The following SRCIN1 variants were observed in gnomAD, a reference collection of about 807,000 sequenced individuals.
SRCIN1 encodes the protein SRC kinase signaling inhibitor 1, also known as P130Cas-associated protein.
In SRCIN1, 50 loss-of-function variants were observed where a neutral mutation model predicts 116.2. That is an observed-to-expected ratio of 0.43 (90% CI 0.34 to 0.54). The LOEUF (loss-of-function observed/expected upper bound fraction) is 0.54, where lower values mean the gene tolerates loss of function less well. Ranked by LOEUF, SRCIN1 falls within the 20% of genes least tolerant of loss-of-function variation. The probability of loss-of-function intolerance (pLI) is 0.02; values close to 1 mark genes in which losing one functional copy is unlikely to be tolerated. For missense variants in SRCIN1, 1,446 were observed against 1,672.0 expected (o/e 0.86, Z 2.36); for synonymous variants, 736 against 750.0 (o/e 0.98, Z 0.30).
chr17:38,553,514 C>A (rs949571202), intron 11 of SRCIN1, among the ~76,000 whole-genome samples: 1 of 152,018 alleles, frequency 6.6e-6, no homozygotes, highest in African/African-American at 2.4e-5. Context: ...GAGCACGTGC[C>A]CCCGGGGAGG....
At position 38,533,095 on chromosome 17, in the gene SRCIN1, T is replaced by TAAAA. The variant is rs79154508; in HGVS notation, c.*198_*201dup. 4,619 of 258,806 alleles carry TAAAA rather than the reference T, an allele frequency of 0.018. 59 individuals carry two copies. The highest frequency in any genetic ancestry group is 0.024 in the African/African-American group (786 of 33,316). 16.0% of individuals were successfully genotyped at this position (258,806 alleles called of 1,614,324 possible). A position where few individuals can be genotyped will look rare whatever the true frequency, so the allele number is the denominator to read the frequency against. ...AAAAAGATAATTAAAAGTTAATTGT[T>TAAAA]AAAAAAAAAAAAAAAAACAAAACCA... On this transcript the variant is annotated 3_prime_UTR_variant, in exon 19 of 19. Coordinates refer to ENST00000617146, the MANE Select transcript of SRCIN1 (RefSeq NM_025248.3).
rs111486321 is a variant in SRCIN1, at chr17:38,595,660, C to T, written c.22+10024G>A. Among the ~76,000 whole-genome samples, 135 of 152,338 alleles carry T rather than the reference C, an allele frequency of 8.9e-4. 1 individual carries two copies. Among genetic ancestry groups the T allele is most frequent in the African/African-American group, 3.2e-3 (131 of 41,582 alleles). On this transcript the variant is annotated intron_variant, in intron 1 of 18. Transcript: ENST00000617146. ...CCCATCCCCCACCCTCTGGGCATCA[C>T]TGGAACATGGGCTTCCCCCCATAAG...
chr17:38,561,524 G>C lies in SRCIN1; in HGVS notation c.1639C>G (p.Pro547Ala). The part of the protein sequence containing the change: ...GAPPSELFPG[P>A]GERSLVGFGP... ...AACCCAACCAGCGAGCGTTCCCCAG[G>C]CCCAGGGAAGAGCTCCGAAGGGGGA... The change falls in exon 7 of 19, where the codon CCT (proline) becomes GCT (alanine). Residue 547 changes from proline (P) to alanine (A), a missense_variant. Physicochemically the swap from Pro to Ala is conservative, Grantham distance 27. Transcript: ENST00000617146. The C allele has an allele frequency of 1.3e-6, 2 of 1,598,484 alleles. No individual in the cohort carries two copies. Among genetic ancestry groups the C allele is most frequent in the African/African-American group, 2.7e-5 (2 of 73,714 alleles).
At position 38,572,764 on chromosome 17, in the gene SRCIN1, T is replaced by TC. The variant is rs1907174590; in HGVS notation, c.325-4534dup. 6.6e-6 allele frequency: 1 copy of TC among 151,250 alleles called. No individual in the cohort carries two copies. The highest frequency in any genetic ancestry group is 1.5e-5 in the Non-Finnish European group (1 of 67,396). 9.4% of individuals were successfully genotyped at this position (151,250 alleles called of 1,614,324 possible). A position where few individuals can be genotyped will look rare whatever the true frequency, so the allele number is the denominator to read the frequency against. On this transcript the variant is annotated intron_variant, in intron 2 of 18. Coordinates refer to ENST00000617146, the MANE Select transcript of SRCIN1 (RefSeq NM_025248.3). The surrounding 1 kb of genome is among the most constrained non-coding windows in gnomAD (Gnocchi z 4.3). ...ACTCCCACCCGCCCGGGCTCTTCTC[T>TC]CCCCCGGCCGCCTCCGCAGCCGCGG...
Position 38,568,345 on chromosome 17 carries a change from C to G in SRCIN1, c.325-114G>C. On this transcript the variant is annotated intron_variant, in intron 2 of 18. Transcript: ENST00000617146. This position sits in a 1 kb window ranked among gnomAD's most constrained non-coding sequence, Gnocchi z 4.5. ...CAGCACTCAGCCCTAGGACAAGGGC[C>G]CTCCACCCTCCCAGGAGCAGGAATG... 1 of 966,090 alleles carries G rather than the reference C, an allele frequency of 1.0e-6. No homozygotes were observed. The highest frequency in any genetic ancestry group is 1.4e-5 in the South Asian group (1 of 72,428). 59.8% of individuals were successfully genotyped at this position (966,090 alleles called of 1,614,324 possible).
At chr17:38,550,872 C>G (rs1201951945) in intron 15 of SRCIN1, among the ~76,000 whole-genome samples, 2 of 152,242 alleles carry the variant, frequency 1.3e-5, no homozygotes, top group African/African-American at 4.8e-5. Context: ...ATGTGCCCAG[C>G]CAAGCCGTGG....
intron 17 of SRCIN1, among the ~76,000 whole-genome samples, chr17:38,546,917 C>G (rs992461945): frequency 1.5e-5 from 2 of 130,126 alleles, no homozygotes; most frequent in East Asian, 2.3e-4. Flanking sequence ...CAGAGCGGAG[C>G]CCCCCTGCCT....
intron 3 of SRCIN1, among the ~76,000 whole-genome samples, chr17:38,567,947 G>C (rs576440468): frequency 1.8e-4 from 27 of 152,274 alleles, no homozygotes; most frequent in Admixed American, 6.5e-4. Flanking sequence ...TCAGGGGCTG[G>C]GGATGCCTGG....
chr17:38,554,010 G>A (rs547691921), intron 11 of SRCIN1, among the ~76,000 whole-genome samples: 6 of 152,296 alleles, frequency 3.9e-5, no homozygotes, highest in South Asian at 4.1e-4. Context: ...TCAGGGGTTC[G>A]AGACCAACTG....
upstream of SRCIN1, chr17:38,605,992 GGCGCGCGCGCGGCGC>G (rs1909343981): frequency 2.1e-5 from 3 of 143,940 alleles, no homozygotes; most frequent in Non-Finnish European, 4.6e-5. Flanking sequence ...ACTGCGGGCG[GGCGCGCGCGCGGCGC>G]GGGCGCGCGC....
At chr17:38,564,827 G>A (rs1313976794) in intron 3 of SRCIN1, among the ~76,000 whole-genome samples, 2 of 151,684 alleles carry the variant, frequency 1.3e-5, no homozygotes, top group Non-Finnish European at 2.9e-5. Context: ...CAGCTTTGAG[G>A]GGATGCGGAC....
Position 38,552,697 on chromosome 17 carries a change from G to A in SRCIN1, c.2332+28C>T, listed in dbSNP as rs763700610. ...GGCAGACTTCCCCACCCTGAACAAC[G>A]TGCTGCATTCGCAGGCCCCAGACCC... On this transcript the variant is annotated intron_variant, in intron 12 of 18. Coordinates refer to ENST00000617146, the MANE Select transcript of SRCIN1 (RefSeq NM_025248.3). This position sits in a 1 kb window ranked among gnomAD's most constrained non-coding sequence, Gnocchi z 5.3. 1.2e-6 allele frequency: 2 copies of A among 1,613,192 alleles called. No individual in the cohort carries two copies. The highest frequency in any genetic ancestry group is 1.7e-6 in the Non-Finnish European group (2 of 1,179,560).
Position 38,563,472 on chromosome 17 carries a change from C to A in SRCIN1, c.591G>T (p.Thr197=), listed in dbSNP as rs1254727675. The A allele has an allele frequency of 1.0e-5, 16 of 1,556,340 alleles. No individual in the cohort carries two copies. Among genetic ancestry groups the A allele is most frequent in the Non-Finnish European group, 1.3e-5 (15 of 1,149,578 alleles). ...GCGTGTCCAGGCTGCTGACCTCGTG[C>A]GTGATGTGCACGCGCCGAGTCTCCT... The part of the protein sequence containing the change: ...FGEETRRVHI[T]HEVSSLDTLH... Residue 197 remains threonine, a synonymous_variant, in exon 5 of 19, where the codon ACG becomes ACT. Coordinates refer to ENST00000617146, the MANE Select transcript of SRCIN1 (RefSeq NM_025248.3). This position sits in a 1 kb window ranked among gnomAD's most constrained non-coding sequence, Gnocchi z 5.8.
At chr17:38,571,645 G>A (rs1004255468) in intron 2 of SRCIN1, among the ~76,000 whole-genome samples, 1 of 152,202 alleles carries the variant, frequency 6.6e-6, no homozygotes. Context: ...ATAAAGAAAG[G>A]GGTGAGTAGG....
At chr17:38,588,161 A>C (rs1166886101) in intron 1 of SRCIN1, among the ~76,000 whole-genome samples, 2 of 152,090 alleles carry the variant, frequency 1.3e-5, no homozygotes, top group Admixed American at 1.3e-4. Context: ...GAGCAGAGTC[A>C]GTTTCTTCTG....
At position 38,572,871 on chromosome 17, in the gene SRCIN1, T is replaced by G. The variant is rs1907185152; in HGVS notation, c.325-4640A>C. On this transcript the variant is annotated intron_variant, in intron 2 of 18. Coordinates refer to ENST00000617146, the MANE Select transcript of SRCIN1 (RefSeq NM_025248.3). This position sits in a 1 kb window ranked among gnomAD's most constrained non-coding sequence, Gnocchi z 4.3. ...CCGGCCCGGGCCCCAGTCGCCCCGG[T>G]AACCGCGACTCCACCTGGCGCGGCG... The G allele has an allele frequency of 1.3e-5, 2 of 151,754 alleles. No individual in the cohort carries two copies. The highest frequency in any genetic ancestry group is 3.0e-5 in the Non-Finnish European group (2 of 67,664). The allele number at this position is 151,754 out of a possible 1,614,324, so 9.4% of individuals were successfully genotyped here.
At chr17:38,540,397 G>A (rs1214352932) in intron 18 of SRCIN1, among the ~76,000 whole-genome samples, 2 of 149,706 alleles carry the variant, frequency 1.3e-5, no homozygotes, top group African/African-American at 2.5e-5. Context: ...CTTGGGCACC[G>A]CCCCCCCAAT....
rs1228508398 is a variant in SRCIN1, at chr17:38,530,829, G to T, written c.*2468C>A. Reference sequence around the variant, plus strand: ...TAGGCACGTGCCAATGCCCAAACAGGTTACATGCACCTATGTGCCCACGCC... The same window carrying T: ...TAGGCACGTGCCAATGCCCAAACAGTTTACATGCACCTATGTGCCCACGCC... On this transcript the variant is annotated 3_prime_UTR_variant, in exon 19 of 19. Coordinates refer to ENST00000617146, the MANE Select transcript of SRCIN1 (RefSeq NM_025248.3). 1 of 152,352 alleles carries T rather than the reference G, an allele frequency of 6.6e-6. No individual in the cohort carries two copies. Among genetic ancestry groups the T allele is most frequent in the African/African-American group, 2.4e-5 (1 of 41,470 alleles). 9.4% of individuals were successfully genotyped at this position (152,352 alleles called of 1,614,324 possible).
chr17:38,558,377 G>C lies in SRCIN1; in HGVS notation c.2051C>G (p.Ala684Gly). ...LQLQNQESVRALLKRTEAELS... is the reference protein window; with the variant it reads ...LQLQNQESVRGLLKRTEAELS... ...CTCTGCCTCCGTGCGCTTCAGCAGC[G>C]CGCGCACCGACTCCTGGTTCTGTAG... is the stretch of plus-strand genomic sequence containing the variant. Residue 684 changes from alanine to glycine, a missense_variant, in exon 11 of 19, where the codon GCG (alanine) becomes GGG (glycine). By Grantham distance (60) the Ala-to-Gly change is moderately conservative. Coordinates refer to ENST00000617146, the MANE Select transcript of SRCIN1 (RefSeq NM_025248.3). This position sits in a 1 kb window ranked among gnomAD's most constrained non-coding sequence, Gnocchi z 4.6. 2.5e-6 allele frequency: 4 copies of C among 1,604,764 alleles called. No individual in the cohort carries two copies. The highest frequency in any genetic ancestry group is 3.4e-6 in the Non-Finnish European group (4 of 1,179,090).
Sources: gnomAD v4.1 joint callset for allele counts (sites outside exome capture counted in the v4.1 genomes callset) on GRCh38, gnomAD v4.1.1 for gene constraint, Gnocchi (gnomAD v3.1) non-coding constraint, MANE v1.5 for transcripts, NCBI Gene and HGNC (gene_info 2026-07-23, HGNC 2026-07-21) for gene names.